Variants in C20orf203 observed in about 807,000 individuals in gnomAD.
The protein encoded by C20orf203 is chromosome 20 open reading frame 203.
In C20orf203, 16 loss-of-function variants were observed where a neutral mutation model predicts 15.9. The ratio of observed to expected loss-of-function variants is 1.01; its 90% confidence interval spans 0.68 to 1.53. The LOEUF (loss-of-function observed/expected upper bound fraction) is 1.53, where lower values mean the gene tolerates loss of function less well. Ranked by LOEUF, C20orf203 falls within the 40% of genes most tolerant of loss-of-function variation. The pLI is 0.00. For synonymous variants in C20orf203, 98 were observed against 97.2 expected, an observed-to-expected ratio of 1.01 and a Z score of -0.05; for missense variants, 263 against 247.5, an observed-to-expected ratio of 1.06 and a Z score of -0.42.
chr20:32,645,828 G>A (rs969870931), intron 4 of C20orf203, among the ~76,000 whole-genome samples: 7 of 152,228 alleles, frequency 4.6e-5, no homozygotes, highest in Admixed American at 3.3e-4. Flanking sequence ...ACCTGGGTCT[G>A]ACTCACTCCA....
At chr20:32,644,557 A>C (rs534819177) in intron 4 of C20orf203, among the ~76,000 whole-genome samples, 1 of 152,276 alleles carries the variant, frequency 6.6e-6, no homozygotes, top group South Asian at 2.1e-4. Context: ...GATGTCAAGG[A>C]TCAGGAGTCC....
intron 1 of C20orf203, among the ~76,000 whole-genome samples, chr20:32,653,761 T>TA (rs1982694686): frequency 6.6e-6 from 1 of 152,068 alleles, no homozygotes; most frequent in African/African-American, 2.4e-5. Flanking sequence ...AAAGAAGAAG[T>TA]AAAACTATCC....
intron 5 of C20orf203, among the ~76,000 whole-genome samples, chr20:32,638,470 C>G (rs1365090302): frequency 6.6e-6 from 1 of 152,156 alleles, no homozygotes; most frequent in East Asian, 1.9e-4. Context: ...GAGGTGAAGT[C>G]ACTTGCCCAG....
intron 1 of C20orf203, among the ~76,000 whole-genome samples, chr20:32,654,843 C>CA (rs558943147): frequency 1.3e-5 from 2 of 151,546 alleles, no homozygotes; most frequent in African/African-American, 2.4e-5. Flanking sequence ...GATCCTTCCC[C>CA]AAAAAAAGAA....
rs150298087 is a variant in C20orf203 at position 32,632,188 on chromosome 20, C to G, written c.*3382G>C. On this transcript the variant is annotated 3_prime_UTR_variant, in exon 6 of 6. Transcript: ENST00000608990. ...ACAAATACCGCACTGGGGGAGGCAACAGCCCGTCTGTGCCCCTGCACTCCC... is the reference window on the plus strand; with the variant it reads ...ACAAATACCGCACTGGGGGAGGCAAGAGCCCGTCTGTGCCCCTGCACTCCC... 6.6e-6 allele frequency: 1 copy of G among 152,350 alleles called. No homozygotes were observed. The highest frequency in any genetic ancestry group is 1.9e-4 in the East Asian group (1 of 5,176). 9.4% of individuals were successfully genotyped at this position (152,350 alleles called of 1,614,324 possible). A position where few individuals can be genotyped will look rare whatever the true frequency, so the allele number is the denominator to read the frequency against.
At chr20:32,641,115 T>C (rs2145662916) in intron 4 of C20orf203, among the ~76,000 whole-genome samples, 1 of 152,034 alleles carries the variant, frequency 6.6e-6, no homozygotes, top group South Asian at 2.1e-4. Context: ...GGCCAGGAGT[T>C]CGAGACCAGC....
intron 4 of C20orf203, among the ~76,000 whole-genome samples, chr20:32,642,990 A>G (rs1252940999): frequency 6.6e-6 from 1 of 152,174 alleles, no homozygotes; most frequent in African/African-American, 2.4e-5. Context: ...GACAGTGGGC[A>G]GGAGGGCTCA....
chr20:32,671,216 G>C (rs1221301529), intron 1 of C20orf203, among the ~76,000 whole-genome samples: 4 of 152,180 alleles, frequency 2.6e-5, no homozygotes, highest in African/African-American at 9.7e-5. Flanking sequence ...GGATCTCCAA[G>C]AGATATGTGA....
At chr20:32,646,561 G>A (rs1174224708) in intron 4 of C20orf203, among the ~76,000 whole-genome samples, 1 of 152,104 alleles carries the variant, frequency 6.6e-6, no homozygotes, top group Admixed American at 6.6e-5. Flanking sequence ...TGTCTAGAAG[G>A]CCCACACTGA....
chr20:32,669,393 C>T (rs1274393156), intron 1 of C20orf203, among the ~76,000 whole-genome samples: 1 of 152,184 alleles, frequency 6.6e-6, no homozygotes. Flanking sequence ...CTGCTCCCTT[C>T]GTAAGAGCCA....
intron 5 of C20orf203, 74 bp downstream of exon 5, chr20:32,640,492 G>A (rs1982250683): frequency 6.6e-6 from 1 of 151,860 alleles, no homozygotes; most frequent in African/African-American, 2.4e-5. Context: ...AAGAGTTTTG[G>A]GACCAGCCTG....
At position 32,646,175 on chromosome 20, in the gene C20orf203, A is replaced by ATT. The variant is rs555458436; in HGVS notation, c.*1177+3078_*1177+3079dup. ...TGAGACAGAGTCTTGCTTGATCCCAATTTTTTTTTTTTTTTTTTTTTTGAG... is the reference window on the plus strand; with the variant it reads ...TGAGACAGAGTCTTGCTTGATCCCAATTTTTTTTTTTTTTTTTTTTTTTTGAG... On this transcript the variant is annotated intron_variant, in intron 4 of 5. Coordinates refer to ENST00000608990, the MANE Select transcript of C20orf203 (RefSeq NM_182584.4). Among the ~76,000 whole-genome samples, 273 of 105,872 alleles carry ATT rather than the reference A, an allele frequency of 2.6e-3. 8 individuals are homozygous for ATT. In the East Asian group the frequency reaches 0.035, roughly 13 times the overall value. The allele number at this position is 105,872 out of a possible 152,430, so 69.5% of individuals were successfully genotyped here.
At position 32,634,280 on chromosome 20, in the gene C20orf203, T is replaced by C; in HGVS notation, c.*1300-10A>G. On this transcript the variant is annotated splice_polypyrimidine_tract_variant and intron_variant, in intron 5 of 5. Transcript: ENST00000608990. Reference sequence around the variant, plus strand: ...AAGGTTATGCTGGAGTCTGGAAAGATAAGAAAGAATTAGCAAGACAGGCAT... The same window carrying C: ...AAGGTTATGCTGGAGTCTGGAAAGACAAGAAAGAATTAGCAAGACAGGCAT... 1 of 398,204 alleles carries C rather than the reference T, an allele frequency of 2.5e-6. No individual in the cohort carries two copies. Among genetic ancestry groups the C allele is most frequent in the African/African-American group, 2.1e-5 (1 of 48,622 alleles). The allele number at this position is 398,204 out of a possible 1,614,324, so 24.7% of individuals were successfully genotyped here. A position where few individuals can be genotyped will look rare whatever the true frequency, so the allele number is the denominator to read the frequency against.
chr20:32,667,424 GACA>G (rs1450023139), intron 1 of C20orf203, among the ~76,000 whole-genome samples: 9 of 152,228 alleles, frequency 5.9e-5, no homozygotes, highest in Admixed American at 1.3e-4. Context: ...AGGGAATACT[GACA>G]AGGCTGTGGG....
intron 1 of C20orf203, among the ~76,000 whole-genome samples, chr20:32,662,946 A>C (rs1256814531): frequency 7.3e-6 from 1 of 137,632 alleles, no homozygotes; most frequent in Non-Finnish European, 1.6e-5. Flanking sequence ...GATAGATATA[A>C]ATATAGTTTT....
chr20:32,654,614 G>A (rs1644594775), intron 1 of C20orf203, among the ~76,000 whole-genome samples: 1 of 151,886 alleles, frequency 6.6e-6, no homozygotes, highest in South Asian at 2.1e-4. Flanking sequence ...AGGCCGAGGT[G>A]GGCAGATCAC....
Position 32,663,167 on chromosome 20 carries a change from C to CTTAAT in C20orf203, c.-264+10464_-264+10465insATTAA. On this transcript the variant is annotated intron_variant, in intron 1 of 5. Coordinates refer to ENST00000608990, the MANE Select transcript of C20orf203 (RefSeq NM_182584.4). ...GTTTCACCATGTTGGCCAGGGTGGT[C>CTTAAT]TTAAACTCCTGACCTTGTGATCCAC... 2.6e-5 allele frequency among the ~76,000 whole-genome samples: 4 copies of CTTAAT among 151,948 alleles called. No individual in the cohort carries two copies. The Middle Eastern group carries it at 0.014, about 517-fold the overall frequency.
chr20:32,657,181 T>G (rs1363016569), intron 1 of C20orf203: 2 of 151,620 alleles, frequency 1.3e-5, no homozygotes, highest in African/African-American at 2.4e-5. Context: ...AGACCCCATC[T>G]CTACAAAAAA....
intron 5 of C20orf203, among the ~76,000 whole-genome samples, chr20:32,638,968 C>G (rs1982207672): frequency 6.6e-6 from 1 of 152,246 alleles, no homozygotes; most frequent in Non-Finnish European, 1.5e-5. Flanking sequence ...TTAATTCTTA[C>G]ACCCAACAAG....
Sources: allele counts gnomAD v4.1 joint callset (sites outside exome capture counted in the v4.1 genomes callset), GRCh38; gene constraint gnomAD v4.1.1; transcripts MANE v1.5; gene names NCBI Gene and HGNC (gene_info 2026-07-23, HGNC 2026-07-21).